The following VPS13C variants were observed in gnomAD, a reference collection of about 807,000 sequenced individuals.
VPS13C encodes intermembrane lipid transfer protein VPS13C.
VPS13C carries 358 observed loss-of-function variants against 456.8 expected under a neutral mutation model. The observed-to-expected ratio is 0.78, with a 90% CI of 0.72 to 0.86. The LOEUF is 0.86. VPS13C is among the 40% of genes least tolerant of loss of function. The pLI is 0.00. For synonymous variants in VPS13C, 1,578 were observed against 1,486.7 expected (o/e 1.06, Z -1.41); for missense variants, 4,818 against 4,385.4 (o/e 1.10, Z -2.79).
At chr15:62,005,843 C>A (rs1021060868) in intron 15 of VPS13C, among the ~76,000 whole-genome samples, 15 of 151,780 alleles carry the variant, frequency 9.9e-5, no homozygotes, top group East Asian at 7.8e-4. Flanking sequence ...ACTGGGATTA[C>A]GGGTGCCCAC....
chr15:61,975,151 A>G (rs1319601174), intron 24 of VPS13C, among the ~76,000 whole-genome samples: 1 of 152,166 alleles, frequency 6.6e-6, no homozygotes, highest in Non-Finnish European at 1.5e-5. Context: ...GGAAATATAA[A>G]GCACTAAATG....
At chr15:62,014,813 G>A (rs545434595) in intron 9 of VPS13C, among the ~76,000 whole-genome samples, 35 of 152,062 alleles carry the variant, frequency 2.3e-4, no homozygotes, top group Non-Finnish European at 3.7e-4. Context: ...TATTTTACAG[G>A]TCTTTGACAA....
At chr15:61,992,347 T>A (rs1282782366) in intron 16 of VPS13C, among the ~76,000 whole-genome samples, 2 of 152,190 alleles carry the variant, frequency 1.3e-5, no homozygotes, top group Admixed American at 6.5e-5. Flanking sequence ...TTTGCCCACT[T>A]TTCAGAGAAA....
intron 15 of VPS13C, among the ~76,000 whole-genome samples, chr15:62,002,608 G>A (rs994168750): frequency 1.3e-5 from 2 of 152,174 alleles, no homozygotes; most frequent in Non-Finnish European, 2.9e-5. Flanking sequence ...CCTATGTCCT[G>A]AATGGTAATG....
At chr15:62,050,395 G>T (rs1234309592) in intron 1 of VPS13C, among the ~76,000 whole-genome samples, 1 of 152,204 alleles carries the variant, frequency 6.6e-6, no homozygotes, top group Non-Finnish European at 1.5e-5. Context: ...CTTCAGAAGA[G>T]ACCCCATATG....
chr15:61,873,511 C>G, intron 77 of VPS13C, 102 bp from the exon 78 acceptor site: 1 of 1,163,912 alleles, frequency 8.6e-7, no homozygotes, highest in Non-Finnish European at 1.2e-6. Context: ...GGCAAACGAT[C>G]TGAATAAATA....
Position 61,936,642 on chromosome 15 carries a change from T to G in VPS13C, c.5710A>C (p.Arg1904=). The G allele has an allele frequency of 6.3e-7, 1 of 1,598,054 alleles. No homozygotes were observed. ...CTTGAAACATCAACTTTTCTCACTC[T>G]TACAGTCTCCTGCACAGACTGTGTA... ...SPTQSVQETV[R]VRKVDVSSVP... Residue 1904 remains arginine (R), a synonymous_variant, in exon 48 of 85, where the codon AGA becomes CGA. Coordinates refer to ENST00000644861, the MANE Select transcript of VPS13C (RefSeq NM_020821.3).
In VPS13C at chr15:61,966,064, C is replaced by T; in HGVS notation, c.3051+19G>A. 3.8e-6 allele frequency: 6 copies of T among 1,586,322 alleles called. No individual in the cohort carries two copies. The highest frequency in any genetic ancestry group is 5.2e-6 in the Non-Finnish European group (6 of 1,161,472). Reference sequence around the variant, plus strand: ...GGTTATTTTCAAACAGGATAAATTCCTTTAACAGAATTTCTTACCTTAACT... The same window carrying T: ...GGTTATTTTCAAACAGGATAAATTCTTTTAACAGAATTTCTTACCTTAACT... On this transcript the variant is annotated intron_variant, in intron 30 of 84. Coordinates refer to ENST00000644861, the MANE Select transcript of VPS13C (RefSeq NM_020821.3).
intron 1 of VPS13C, among the ~76,000 whole-genome samples, chr15:62,048,274 CT>C (rs2048495408): frequency 7.3e-6 from 1 of 137,730 alleles, no homozygotes; most frequent in Non-Finnish European, 1.5e-5. Flanking sequence ...CAACAGGCCC[CT>C]GTGTGTGATG....
intron 48 of VPS13C, 82 bp from the exon 49 acceptor site, chr15:61,934,413 A>T: frequency 1.4e-6 from 1 of 694,416 alleles, no homozygotes; most frequent in Non-Finnish European, 2.2e-6. Flanking sequence ...TCTTATTCTA[A>T]ATTTATATGA....
Position 61,880,665 on chromosome 15 carries a change from T to C in VPS13C, c.9946A>G (p.Met3316Val), listed in dbSNP as rs375018843. Residue 3316 changes from methionine (M) to valine (V), a missense_variant, in exon 73 of 85, where the codon ATG becomes GTG. Coordinates refer to ENST00000644861, the MANE Select transcript of VPS13C (RefSeq NM_020821.3). Reference protein sequence around the residue: ...ALNAELMETSMTDMSILSFFE... With the variant: ...ALNAELMETSVTDMSILSFFE... The stretch of plus-strand genomic sequence containing the variant: ...AAACTAAGAATTGACATATCAGTCA[T>C]TGAAGTCTCCATTAATTCTGCATTT... The C allele has an allele frequency of 2.4e-5, 39 of 1,602,328 alleles. No homozygotes were observed. Among genetic ancestry groups the C allele is most frequent in the Middle Eastern group, 1.7e-4 (1 of 6,018 alleles).
chr15:61,926,385 G>A (rs950782628), intron 52 of VPS13C, among the ~76,000 whole-genome samples: 1 of 152,250 alleles, frequency 6.6e-6, no homozygotes, highest in Admixed American at 6.5e-5. Context: ...AGGTGACGGA[G>A]TGAGACCCTT....
intron 45 of VPS13C, among the ~76,000 whole-genome samples, chr15:61,942,661 C>A (rs1201375081): frequency 1.3e-5 from 2 of 150,624 alleles, no homozygotes; most frequent in Non-Finnish European, 3.0e-5. Context: ...ATCTCAATTT[C>A]AACTAAAAAC....
chr15:61,934,569 A>G (rs2044162412), intron 48 of VPS13C, among the ~76,000 whole-genome samples: 2 of 152,128 alleles, frequency 1.3e-5, no homozygotes, highest in Non-Finnish European at 2.9e-5. Context: ...CTATGTTAAA[A>G]AATTTTTTTT....
intron 15 of VPS13C, among the ~76,000 whole-genome samples, chr15:62,001,604 G>A (rs1256412155): frequency 1.3e-5 from 2 of 151,944 alleles, no homozygotes; most frequent in Admixed American, 6.6e-5. Context: ...GTGCCATGCT[G>A]GTGCGCTGCA....
chr15:61,902,912 C>T (rs1482262835), intron 66 of VPS13C, among the ~76,000 whole-genome samples: 1 of 150,446 alleles, frequency 6.6e-6, no homozygotes, highest in Non-Finnish European at 1.5e-5. Flanking sequence ...AAATTATCCT[C>T]GTTCACAAAC....
intron 1 of VPS13C, among the ~76,000 whole-genome samples, chr15:62,050,933 CAAAAAAA>C (rs1045798366): frequency 7.7e-6 from 1 of 129,896 alleles, no homozygotes; most frequent in Admixed American, 7.7e-5. Flanking sequence ...GGAGTCATCG[CAAAAAAA>C]AAAAAGTAGA....
rs898820570 is a variant in VPS13C, at chr15:61,852,576, C to A, written c.*1881G>T. On this transcript the variant is annotated 3_prime_UTR_variant, in exon 85 of 85. Coordinates refer to ENST00000644861, the MANE Select transcript of VPS13C (RefSeq NM_020821.3). ...GATATAATTTCTTAAATATATGGGA[C>A]ATTGTCAACAGCTGTGATTCATATG... is the stretch of plus-strand genomic sequence containing the variant. The A allele has an allele frequency of 6.6e-6, 1 of 152,044 alleles. No homozygotes were observed. Among genetic ancestry groups the A allele is most frequent in the Non-Finnish European group, 1.5e-5 (1 of 67,986 alleles). The allele number at this position is 152,044 out of a possible 1,614,324, so 9.4% of individuals were successfully genotyped here. A position where few individuals can be genotyped will look rare whatever the true frequency, so the allele number is the denominator to read the frequency against.
intron 12 of VPS13C, 83 bp from the exon 13 acceptor site, chr15:62,010,682 C>A: frequency 1.5e-6 from 2 of 1,300,902 alleles, no homozygotes; most frequent in Non-Finnish European, 2.0e-6. Flanking sequence ...AACACTGTTA[C>A]TCTAGAAGTA....
Sources: gnomAD v4.1 joint callset for allele counts (sites outside exome capture counted in the v4.1 genomes callset) on GRCh38, gnomAD v4.1.1 for gene constraint, MANE v1.5 for transcripts, NCBI Gene and HGNC (gene_info 2026-07-23, HGNC 2026-07-21) for gene names.